The following ZC3H15 variants were observed in gnomAD, a reference collection of about 807,000 sequenced individuals.
The protein encoded by ZC3H15 is zinc finger CCCH domain-containing protein 15.
A neutral mutation model predicts 51.2 loss-of-function variants in ZC3H15; 15 were observed. The ratio of observed to expected loss-of-function variants is 0.29; its 90% CI spans 0.20 to 0.45. The LOEUF is 0.45. Among genes scored for constraint, ZC3H15 ranks in the 20% least tolerant of loss-of-function variants. ZC3H15 has a pLI of 1.00. For synonymous variants in ZC3H15, 144 were observed against 162.8 expected, an observed-to-expected ratio of 0.88 and a Z score of 0.88; for missense variants, 381 against 494.7, an observed-to-expected ratio of 0.77 and a Z score of 2.18.
chr2:186,486,424 G>A lies in ZC3H15; in HGVS notation c.42G>A (p.Lys14=), dbSNP rs778660967. 3.2e-6 allele frequency: 5 copies of A among 1,567,894 alleles called. No homozygotes were observed. Among genetic ancestry groups the A allele is most frequent in the Non-Finnish European group, 4.3e-6 (5 of 1,154,786 alleles). ...AGGCTCAGGCCGGGGGCAGCAAAAA[G>A]GCGGAGCAAAAAAAGAAGGAGAAGA... The part of the protein sequence containing the change: ...KKQAQAGGSK[K]AEQKKKEKII... The change falls in exon 1 of 10, where the codon AAG becomes AAA. Residue 14 remains lysine (K), a synonymous_variant. Transcript: ENST00000337859.
At chr2:186,491,250 A>G (rs972528253) in intron 1 of ZC3H15, among the ~76,000 whole-genome samples, 4 of 152,166 alleles carry the variant, frequency 2.6e-5, no homozygotes, top group Non-Finnish European at 5.9e-5. Flanking sequence ...CCTAGGTTCA[A>G]ATATCATCTG....
intron 6 of ZC3H15, 32 bp from the exon 7 acceptor site, chr2:186,505,419 G>C: frequency 6.6e-7 from 1 of 1,512,684 alleles, no homozygotes; most frequent in South Asian, 1.4e-5. Context: ...GGTGACTTCT[G>C]TGGAAAAAAA....
chr2:186,495,609 T>G (rs1317547404), intron 2 of ZC3H15, among the ~76,000 whole-genome samples: 1 of 152,236 alleles, frequency 6.6e-6, no homozygotes, highest in African/African-American at 2.4e-5. Flanking sequence ...GTGATCACTT[T>G]GTTTCCAGCT....
chr2:186,486,378 C>A lies in ZC3H15; in HGVS notation c.-5C>A. The A allele has an allele frequency of 6.5e-7, 1 of 1,539,942 alleles. No homozygotes were observed. Among genetic ancestry groups the A allele is most frequent in the East Asian group, 2.5e-5 (1 of 40,362 alleles). On this transcript the variant is annotated 5_prime_UTR_variant, in exon 1 of 10. Transcript: ENST00000337859. ...TAAGTCTGGCCGGTGCCATCTGTCT[C>A]CGCAATGCCCCCCAAGAAACAGGCT...
At chr2:186,487,542 A>G (rs767061737) in intron 1 of ZC3H15, among the ~76,000 whole-genome samples, 20 of 152,342 alleles carry the variant, frequency 1.3e-4, no homozygotes, top group Middle Eastern at 3.4e-3. Flanking sequence ...ACTTTGGAGG[A>G]GAACTGGTAT....
Position 186,502,516 on chromosome 2 carries a change from G to A in ZC3H15, c.463G>A (p.Glu155Lys). The A allele has an allele frequency of 1.2e-6, 2 of 1,612,636 alleles. No individual in the cohort carries two copies. Among genetic ancestry groups the A allele is most frequent in the Non-Finnish European group, 1.7e-6 (2 of 1,179,278 alleles). Reference protein sequence around the residue: ...LEKDTMDNWDEKKLEEVVNKK... With the variant: ...LEKDTMDNWDKKKLEEVVNKK... The stretch of plus-strand genomic sequence containing the variant: ...TTTAGATACTATGGATAATTGGGAT[G>A]AGAAAAAGCTGGAAGAAGTAGTGAA... The change falls in exon 5 of 10, where the codon GAG (glutamate) becomes AAG (lysine). Residue 155 changes from glutamate to lysine, a missense_variant. Around this residue, in one of 3 missense-constraint regions of ZC3H15, gnomAD observed 41 missense variants for 86.5 expected, o/e 0.47. Coordinates refer to ENST00000337859, the MANE Select transcript of ZC3H15 (RefSeq NM_018471.3).
intron 1 of ZC3H15, 21 bp downstream of exon 1, chr2:186,486,478 C>A (rs779436874): frequency 2.6e-6 from 4 of 1,534,138 alleles, no homozygotes; most frequent in Non-Finnish European, 3.5e-6. Flanking sequence ...ACCCCTCCCC[C>A]ACTCACGCCG....
At chr2:186,489,308 A>G (rs1461894718) in intron 1 of ZC3H15, among the ~76,000 whole-genome samples, 2 of 152,134 alleles carry the variant, frequency 1.3e-5, no homozygotes, top group Non-Finnish European at 2.9e-5. Flanking sequence ...ATTTATAGAG[A>G]CTATTCTGTT....
chr2:186,496,555 A>T (rs974319924), intron 2 of ZC3H15, among the ~76,000 whole-genome samples: 1 of 152,194 alleles, frequency 6.6e-6, no homozygotes, highest in South Asian at 2.1e-4. Context: ...CATTTATCCA[A>T]CTGAAATACC....
At chr2:186,492,129 A>T (rs151114589) in intron 1 of ZC3H15, among the ~76,000 whole-genome samples, 1 of 152,266 alleles carries the variant, frequency 6.6e-6, no homozygotes, top group East Asian at 1.9e-4. Flanking sequence ...CTCTGTAGTT[A>T]CAGATGGAGC....
chr2:186,506,367 A>G (rs1395251882), intron 8 of ZC3H15, among the ~76,000 whole-genome samples: 1 of 152,222 alleles, frequency 6.6e-6, no homozygotes, highest in African/African-American at 2.4e-5. Context: ...CTCTATATAT[A>G]AAAATGTGAT....
intron 8 of ZC3H15, chr2:186,506,049 C>G: frequency 1.5e-6 from 1 of 663,582 alleles, no homozygotes; most frequent in East Asian, 2.9e-5. Context: ...GAGAATTAAT[C>G]GAGTTCATGA....
chr2:186,497,421 C>T (rs561412600), intron 2 of ZC3H15, among the ~76,000 whole-genome samples: 21 of 152,298 alleles, frequency 1.4e-4, no homozygotes, highest in Admixed American at 9.1e-4. Flanking sequence ...TTAGAGCTCA[C>T]GCCTGTAATC....
chr2:186,487,442 G>C (rs1685117748), intron 1 of ZC3H15: 1 of 152,146 alleles, frequency 6.6e-6, no homozygotes, highest in Admixed American at 6.5e-5. Flanking sequence ...ATTAGAAAAA[G>C]CCATGACCAT....
At chr2:186,491,227 G>A (rs1366954086) in intron 1 of ZC3H15, among the ~76,000 whole-genome samples, 3 of 152,104 alleles carry the variant, frequency 2.0e-5, no homozygotes, top group Non-Finnish European at 4.4e-5. Flanking sequence ...GAATTTGCTT[G>A]GAGTCAAATA....
intron 3 of ZC3H15, chr2:186,500,590 C>T: frequency 1.9e-6 from 1 of 534,992 alleles, no homozygotes; most frequent in Non-Finnish European, 3.6e-6. Flanking sequence ...TAAGCAAAGC[C>T]ATAGTTGAAT....
In ZC3H15 at chr2:186,486,366, T is replaced by G; in HGVS notation, c.-17T>G. 5 of 1,531,320 alleles carry G rather than the reference T, an allele frequency of 3.3e-6. No individual in the cohort carries two copies. Among genetic ancestry groups the G allele is most frequent in the Non-Finnish European group, 4.4e-6 (5 of 1,134,766 alleles). The allele number at this position is 1,531,320 out of a possible 1,614,324, so 94.9% of individuals were successfully genotyped here. ...TTCAGCTGCGCGTAAGTCTGGCCGG[T>G]GCCATCTGTCTCCGCAATGCCCCCC... On this transcript the variant is annotated 5_prime_UTR_variant, in exon 1 of 10. Coordinates refer to ENST00000337859, the MANE Select transcript of ZC3H15 (RefSeq NM_018471.3).
intron 1 of ZC3H15, among the ~76,000 whole-genome samples, chr2:186,492,454 A>T (rs1685215742): frequency 1.3e-5 from 2 of 152,240 alleles, no homozygotes; most frequent in Admixed American, 1.3e-4. Context: ...CATAGGCTGT[A>T]GAAAATTCAT....
intron 3 of ZC3H15, 28 bp downstream of exon 3, chr2:186,500,321 T>G: frequency 6.5e-7 from 1 of 1,543,292 alleles, no homozygotes; most frequent in Non-Finnish European, 8.8e-7. Context: ...GAAGTGTGAT[T>G]TTTTATCAAA....
Sources: allele counts gnomAD v4.1 joint callset (sites outside exome capture counted in the v4.1 genomes callset), GRCh38; gene constraint gnomAD v4.1.1; regional missense constraint gnomAD v4.1.1; transcripts MANE v1.5; gene names NCBI Gene and HGNC (gene_info 2026-07-23, HGNC 2026-07-21).